PRKD3: variants seen among roughly 807,000 people sequenced by gnomAD.
PRKD3 encodes the protein serine/threonine-protein kinase D3.
In PRKD3, 47 loss-of-function variants were observed where a neutral mutation model predicts 99.2. The observed-to-expected ratio is 0.47, with a 90% CI of 0.38 to 0.60. The LOEUF (loss-of-function observed/expected upper bound fraction) is 0.60, where lower values mean the gene tolerates loss of function less well. PRKD3 is among the 20% of genes least tolerant of loss of function. PRKD3 has a pLI of 0.00. For synonymous variants in PRKD3, 392 were observed against 355.4 expected, an observed-to-expected ratio of 1.10 and a Z score of -1.16; for missense variants, 1,019 against 1,088.4, an observed-to-expected ratio of 0.94 and a Z score of 0.90.
At chr2:37,259,086 CAGAGAGTGCT>C (rs1668212120) in intron 16 of PRKD3, among the ~76,000 whole-genome samples, 1 of 151,376 alleles carries the variant, frequency 6.6e-6, no homozygotes, top group Admixed American at 6.6e-5. Flanking sequence ...TAAGAAAAAT[CAGAGAGTGCT>C]ACATGTAGCC....
intron 16 of PRKD3, 58 bp from the exon 17 acceptor site, chr2:37,256,987 G>A: frequency 1.9e-6 from 3 of 1,554,800 alleles, no homozygotes; most frequent in Non-Finnish European, 2.6e-6. Flanking sequence ...GTAACTACCT[G>A]TCCCTAAATA....
chr2:37,254,072 C>T, intron 18 of PRKD3, 132 bp downstream of exon 18: 1 of 664,118 alleles, frequency 1.5e-6, no homozygotes, highest in Non-Finnish European at 2.7e-6. Context: ...AGAGATTCAG[C>T]CATAGTACAA....
intron 2 of PRKD3, among the ~76,000 whole-genome samples, chr2:37,310,805 T>A (rs1671391443): frequency 6.6e-6 from 1 of 152,180 alleles, no homozygotes; most frequent in African/African-American, 2.4e-5. Context: ...AGGAAAGGAA[T>A]CTGGACCAGA....
chr2:37,261,414 G>C (rs1668436223), intron 14 of PRKD3, among the ~76,000 whole-genome samples: 1 of 151,812 alleles, frequency 6.6e-6, no homozygotes, highest in African/African-American at 2.4e-5. Context: ...TTGAACCTGG[G>C]AGGTGGAGGC....
intron 14 of PRKD3, among the ~76,000 whole-genome samples, chr2:37,260,846 C>G (rs3770767): frequency 0.14 from 21,565 of 152,092 alleles, 1,878 homozygotes; most frequent in East Asian, 0.35. Flanking sequence ...ATATTATAAT[C>G]ATTAATTCCC....
intron 2 of PRKD3, among the ~76,000 whole-genome samples, chr2:37,304,820 C>T (rs1011153249): frequency 6.6e-6 from 1 of 150,860 alleles, no homozygotes; most frequent in Non-Finnish European, 1.5e-5. Context: ...CTTTCTGATA[C>T]CAACCAAAGC....
At chr2:37,259,841 C>T (rs983204815) in intron 15 of PRKD3, among the ~76,000 whole-genome samples, 160 bp from the exon 16 acceptor site, 5 of 152,168 alleles carry the variant, frequency 3.3e-5, no homozygotes, top group African/African-American at 1.2e-4. Context: ...CCCACAATCA[C>T]CCAACATGTA....
At chr2:37,300,665 T>C (rs1364404915) in intron 2 of PRKD3, among the ~76,000 whole-genome samples, 1 of 152,186 alleles carries the variant, frequency 6.6e-6, no homozygotes, top group Non-Finnish European at 1.5e-5. Context: ...CTATTATTTA[T>C]CCAGAAAAAT....
chr2:37,308,802 T>C (rs1671287201), intron 2 of PRKD3, among the ~76,000 whole-genome samples: 1 of 151,210 alleles, frequency 6.6e-6, no homozygotes. Flanking sequence ...CTTCAACTGC[T>C]TAAAACTAGT....
chr2:37,301,438 G>T (rs993596378), intron 2 of PRKD3, among the ~76,000 whole-genome samples: 2 of 151,514 alleles, frequency 1.3e-5, no homozygotes, highest in African/African-American at 4.9e-5. Flanking sequence ...ACCAATTCTG[G>T]ATTACATTTT....
chr2:37,300,921 T>C (rs1309396725), intron 2 of PRKD3, among the ~76,000 whole-genome samples: 1 of 152,240 alleles, frequency 6.6e-6, no homozygotes, highest in Non-Finnish European at 1.5e-5. Context: ...GCAAGTAATA[T>C]ATTGAGTATG....
chr2:37,261,252 C>T (rs1030372203), intron 14 of PRKD3, among the ~76,000 whole-genome samples: 4 of 151,542 alleles, frequency 2.6e-5, no homozygotes, highest in East Asian at 1.9e-4. Flanking sequence ...TTTGGGAAGC[C>T]GAGGCAGGTG....
Position 37,257,843 on chromosome 2 carries a change from CAGTG to C in PRKD3, c.2146-918_2146-915del, listed in dbSNP as rs532713102. On this transcript the variant is annotated intron_variant, in intron 16 of 18. Transcript: ENST00000234179. The stretch of plus-strand genomic sequence containing the variant: ...AGTGGAATAATGCTGGAGACTGCCC[CAGTG>C]AGTAACAGCAACACTTTTCTATCAC... Among the ~76,000 whole-genome samples, 281 of 152,136 alleles carry C rather than the reference CAGTG, an allele frequency of 1.8e-3. 2 individuals carry two copies. The highest frequency in any genetic ancestry group is 6.1e-3 in the African/African-American group (252 of 41,498).
chr2:37,294,912 T>C (rs1054884635), intron 2 of PRKD3, among the ~76,000 whole-genome samples: 1 of 152,192 alleles, frequency 6.6e-6, no homozygotes, highest in South Asian at 2.1e-4. Flanking sequence ...CTGTCTCTGA[T>C]AAAAATACAA....
At chr2:37,303,204 C>T (rs1217523544) in intron 2 of PRKD3, among the ~76,000 whole-genome samples, 1 of 152,080 alleles carries the variant, frequency 6.6e-6, no homozygotes, top group Non-Finnish European at 1.5e-5. Context: ...CCCGTCCCGT[C>T]CCCTCTCCCA....
At chr2:37,289,266 T>C in intron 5 of PRKD3, 90 bp downstream of exon 5, 2 of 1,399,128 alleles carry the variant, frequency 1.4e-6, no homozygotes. Flanking sequence ...TTCTTTAGCA[T>C]ATAAATTATG....
intron 2 of PRKD3, among the ~76,000 whole-genome samples, chr2:37,313,720 C>T (rs1441306799): frequency 6.6e-6 from 1 of 152,140 alleles, no homozygotes; most frequent in African/African-American, 2.4e-5. Flanking sequence ...TTAAGACAGT[C>T]CCTCACTTAA....
intron 3 of PRKD3, among the ~76,000 whole-genome samples, chr2:37,292,630 G>C (rs1224619517): frequency 6.6e-6 from 1 of 151,994 alleles, no homozygotes; most frequent in Non-Finnish European, 1.5e-5. Context: ...ACAGGCGTGA[G>C]CCACCGCGCC....
rs1033399324 is a variant in PRKD3 at position 37,250,700 on chromosome 2, T to C, written c.*2477A>G. The C allele has an allele frequency of 6.6e-6, 1 of 152,184 alleles. No individual in the cohort carries two copies. The highest frequency in any genetic ancestry group is 1.5e-5 in the Non-Finnish European group (1 of 68,022). 9.4% of individuals were successfully genotyped at this position (152,184 alleles called of 1,614,324 possible). A position where few individuals can be genotyped will look rare whatever the true frequency, so the allele number is the denominator to read the frequency against. ...CTAGAAATAGGCTCAGGTTTTCACA[T>C]GGAAAAGTATGGTGATAGGAAATAC... On this transcript the variant is annotated 3_prime_UTR_variant, in exon 19 of 19. Coordinates refer to ENST00000234179, the MANE Select transcript of PRKD3 (RefSeq NM_005813.6).
Sources: allele counts gnomAD v4.1 joint callset (sites outside exome capture counted in the v4.1 genomes callset), GRCh38; gene constraint gnomAD v4.1.1; transcripts MANE v1.5; gene names NCBI Gene and HGNC (gene_info 2026-07-23, HGNC 2026-07-21).